The following CELF2 variants were observed in gnomAD, a reference collection of about 807,000 sequenced individuals.
CELF2 encodes the protein CUGBP Elav-like family member 2.
Under a neutral mutation model 62.6 loss-of-function variants are expected in CELF2, and 8 were observed. The ratio of observed to expected loss-of-function variants is 0.13; its 90% CI spans 0.07 to 0.23. The LOEUF is 0.23. Ranked by LOEUF, CELF2 falls within the 10% of genes least tolerant of loss-of-function variation. CELF2 has a pLI of 1.00. For synonymous variants in CELF2, 258 were observed against 250.0 expected (o/e 1.03, Z -0.30); for missense variants, 333 against 671.0 (o/e 0.50, Z 5.56).
chr10:10,554,833 A>G, the CELF2 span, among the ~76,000 whole-genome samples: 1 of 152,196 alleles, frequency 6.6e-6, no homozygotes, highest in Non-Finnish European at 1.5e-5. Flanking sequence ...CCACATTGCA[A>G]TGCCTGAAAC....
At chr10:10,580,215 G>T in the CELF2 span, among the ~76,000 whole-genome samples, 20 of 152,230 alleles carry the variant, frequency 1.3e-4, no homozygotes, top group African/African-American at 4.6e-4. Context: ...ATTAATTAAG[G>T]TGGGGGCAAC....
chr10:10,816,523 A>G (rs1025151624), intron 1 of CELF2, among the ~76,000 whole-genome samples: 2 of 152,196 alleles, frequency 1.3e-5, no homozygotes, highest in Non-Finnish European at 2.9e-5. Context: ...TTTTATCTGT[A>G]TTATGCACAT....
intron 1 of CELF2, among the ~76,000 whole-genome samples, chr10:11,100,873 G>A (rs2051405589): frequency 1.3e-5 from 2 of 152,162 alleles, no homozygotes. Context: ...TCTCTTCTGT[G>A]AATTGGAAGG....
the CELF2 span, among the ~76,000 whole-genome samples, chr10:10,699,451 CA>C: frequency 6.6e-6 from 1 of 152,188 alleles, no homozygotes; most frequent in Non-Finnish European, 1.5e-5. Context: ...GATACTTAGA[CA>C]GTTAGCAAAT....
At chr10:10,564,686 A>G in the CELF2 span, among the ~76,000 whole-genome samples, 1,714 of 117,504 alleles carry the variant, frequency 0.015, 27 homozygotes, top group African/African-American at 0.046. Flanking sequence ...ACACACGCAC[A>G]CACACACACA....
chr10:10,968,465 C>T (rs1365291827), intron 2 of CELF2, among the ~76,000 whole-genome samples: 5 of 152,026 alleles, frequency 3.3e-5, no homozygotes, highest in Middle Eastern at 3.4e-3. Context: ...CTCCTGTTGT[C>T]GAAATGGAGA....
chr10:11,051,424 A>G (rs1407408122), intron 1 of CELF2, among the ~76,000 whole-genome samples: 1 of 152,338 alleles, frequency 6.6e-6, no homozygotes, highest in Non-Finnish European at 1.5e-5. Flanking sequence ...CTTAGCCTAT[A>G]TTCCTTTGAG....
At chr10:11,174,880 G>A (rs1012438420) in intron 2 of CELF2, among the ~76,000 whole-genome samples, 6 of 152,106 alleles carry the variant, frequency 3.9e-5, no homozygotes, top group African/African-American at 9.7e-5. Context: ...AAGAAATAAC[G>A]CAAACATCAG....
the CELF2 span, among the ~76,000 whole-genome samples, chr10:10,708,503 TA>T: frequency 3.3e-5 from 5 of 152,072 alleles, no homozygotes; most frequent in Non-Finnish European, 5.9e-5. Flanking sequence ...ACCTCCAAAT[TA>T]AAACTTAACA....
chr10:11,129,614 AT>A (rs2059304654), intron 1 of CELF2, among the ~76,000 whole-genome samples: 1 of 152,032 alleles, frequency 6.6e-6, no homozygotes, highest in South Asian at 2.1e-4. Flanking sequence ...GGGAGGGTGT[AT>A]GTGTCGAGGA....
Position 11,270,895 on chromosome 10 carries a change from C to T in CELF2, c.777+71C>T, listed in dbSNP as rs901833587. The T allele has an allele frequency of 1.4e-5, 17 of 1,256,224 alleles. No individual in the cohort carries two copies. Among genetic ancestry groups the T allele is most frequent in the South Asian group, 5.4e-5 (2 of 36,792 alleles). The allele number at this position is 1,256,224 out of a possible 1,614,324, so 77.8% of individuals were successfully genotyped here. A position where few individuals can be genotyped will look rare whatever the true frequency, so the allele number is the denominator to read the frequency against. ...TGCAAACTGACTTTTCCCCTCCCTACGCTGAGGCATTTGTTTTCAGTACAT... is the reference window on the plus strand; with the variant it reads ...TGCAAACTGACTTTTCCCCTCCCTATGCTGAGGCATTTGTTTTCAGTACAT... On this transcript the variant is annotated intron_variant, in intron 7 of 12. Coordinates refer to ENST00000633077, the MANE Select transcript of CELF2 (RefSeq NM_001326342.2). This position sits in a 1 kb window ranked among gnomAD's most constrained non-coding sequence, Gnocchi z 5.8.
At chr10:11,277,613 G>A (rs1223677597) in intron 8 of CELF2, among the ~76,000 whole-genome samples, 6 of 152,178 alleles carry the variant, frequency 3.9e-5, no homozygotes, top group Non-Finnish European at 4.4e-5. Context: ...TAAATGCCTG[G>A]TTTTTAAATT....
chr10:10,766,707 A>G, the CELF2 span, among the ~76,000 whole-genome samples: 1 of 152,202 alleles, frequency 6.6e-6, no homozygotes, highest in Non-Finnish European at 1.5e-5. Flanking sequence ...TGAGCCTGCT[A>G]TGTCTGCCCT....
At chr10:10,721,945 A>G in the CELF2 span, among the ~76,000 whole-genome samples, 1 of 152,362 alleles carries the variant, frequency 6.6e-6, no homozygotes, top group East Asian at 1.9e-4. Context: ...TATTATGCCC[A>G]TTTTAATGAT....
chr10:11,070,776 G>A (rs576818437), intron 1 of CELF2, among the ~76,000 whole-genome samples: 15 of 152,304 alleles, frequency 9.8e-5, no homozygotes, highest in African/African-American at 3.6e-4. Flanking sequence ...GGAAGACAGA[G>A]GAGGTGAATG....
At chr10:10,476,980 A>T in the CELF2 span, among the ~76,000 whole-genome samples, 4 of 152,212 alleles carry the variant, frequency 2.6e-5, no homozygotes, top group African/African-American at 9.6e-5. Context: ...ATGTAATTGA[A>T]ATTATTCTTA....
At chr10:10,654,009 C>G in the CELF2 span, among the ~76,000 whole-genome samples, 5 of 151,270 alleles carry the variant, frequency 3.3e-5, no homozygotes, top group Non-Finnish European at 7.4e-5. Flanking sequence ...GAATCAAATA[C>G]ACACAATAAA....
chr10:10,508,468 G>C, the CELF2 span, among the ~76,000 whole-genome samples: 103 of 152,246 alleles, frequency 6.8e-4, no homozygotes, highest in African/African-American at 2.4e-3. Flanking sequence ...AGAGAGCCTC[G>C]GCATGCTCTT....
chr10:10,578,626 GA>G, the CELF2 span, among the ~76,000 whole-genome samples: 1 of 152,050 alleles, frequency 6.6e-6, no homozygotes, highest in Non-Finnish European at 1.5e-5. Context: ...TCCAAAGTGG[GA>G]AAAGGACCAT....
Sources: allele counts gnomAD v4.1 joint callset (sites outside exome capture counted in the v4.1 genomes callset), GRCh38; gene constraint gnomAD v4.1.1; non-coding constraint Gnocchi (gnomAD v3.1); transcripts MANE v1.5; gene names NCBI Gene and HGNC (gene_info 2026-07-23, HGNC 2026-07-21).